Variants in FBXO25 observed in about 807,000 individuals in gnomAD.
FBXO25 encodes the protein F-box only protein 25.
A neutral mutation model predicts 51.9 loss-of-function variants in FBXO25; 45 were observed. That is an observed-to-expected ratio of 0.87 (90% confidence interval 0.68 to 1.11). The LOEUF (loss-of-function observed/expected upper bound fraction) is 1.11. FBXO25 is among the 50% of genes most tolerant of loss of function. The pLI is 0.00. For missense variants in FBXO25, 507 were observed against 428.5 expected (o/e 1.18, Z -1.62); for synonymous variants, 199 against 151.0 (o/e 1.32, Z -2.33).
At chr8:416,157 A>T (rs1267841721) in intron 2 of FBXO25, among the ~76,000 whole-genome samples, 13 of 152,146 alleles carry the variant, frequency 8.5e-5, no homozygotes, top group Admixed American at 8.5e-4. Flanking sequence ...GTCATCTGCT[A>T]TGTGCCGGTA....
rs1563107094 is a variant in FBXO25 at position 474,706 on chromosome 8, T to C, written c.*5902T>C. On this transcript the variant is annotated 3_prime_UTR_variant, in exon 10 of 10. Transcript: ENST00000350302. Reference sequence around the variant, plus strand: ...GTCTATTTGGGCTCTTTGTCCATTTTTCAATCAGGTGTGTGTTTTTATATG... The same window carrying C: ...GTCTATTTGGGCTCTTTGTCCATTTCTCAATCAGGTGTGTGTTTTTATATG... 6.6e-6 allele frequency: 3 copies of C among 454,400 alleles called. No homozygotes were observed. The highest frequency in any genetic ancestry group is 1.3e-5 in the Non-Finnish European group (3 of 226,478). The allele number at this position is 454,400 out of a possible 1,614,324, so 28.1% of individuals were successfully genotyped here. A position where few individuals can be genotyped will look rare whatever the true frequency, so the allele number is the denominator to read the frequency against.
At chr8:428,319 A>T (rs892947015) in intron 2 of FBXO25, among the ~76,000 whole-genome samples, 2 of 152,130 alleles carry the variant, frequency 1.3e-5, no homozygotes, top group African/African-American at 4.8e-5. Flanking sequence ...TAGCTCCATC[A>T]TTCAGACATG....
chr8:428,445 C>A (rs990037828), intron 2 of FBXO25, among the ~76,000 whole-genome samples: 4 of 151,486 alleles, frequency 2.6e-5, no homozygotes, highest in African/African-American at 9.7e-5. Flanking sequence ...CCCACCCCAT[C>A]CCTCGGACAT....
At position 475,614 on chromosome 8, in the gene FBXO25, C is replaced by G. The variant is rs974622580; in HGVS notation, c.*6810C>G. ...TCTTTAAGCAGTGTTTTATGGTTTT[C>G]AAGTACAAGTCTTTTGCTTCCTTAA... On this transcript the variant is annotated 3_prime_UTR_variant, in exon 10 of 10. Transcript: ENST00000350302. 6.6e-6 allele frequency: 1 copy of G among 152,146 alleles called. No homozygotes were observed. Among genetic ancestry groups the G allele is most frequent in the Admixed American group, 6.5e-5 (1 of 15,276 alleles). 9.4% of individuals were successfully genotyped at this position (152,146 alleles called of 1,614,324 possible).
chr8:428,009 A>C (rs1301505580), intron 2 of FBXO25, among the ~76,000 whole-genome samples: 1 of 152,172 alleles, frequency 6.6e-6, no homozygotes, highest in African/African-American at 2.4e-5. Context: ...TCAGAGGAAA[A>C]TGCAAATCTT....
chr8:442,394 C>G (rs1798480886), intron 5 of FBXO25, among the ~76,000 whole-genome samples: 1 of 151,904 alleles, frequency 6.6e-6, no homozygotes, highest in Non-Finnish European at 1.5e-5. Flanking sequence ...TGTACTGCAC[C>G]TACAGGTTAC....
chr8:414,045 T>C (rs142548766), intron 2 of FBXO25, among the ~76,000 whole-genome samples: 2,338 of 152,342 alleles, frequency 0.015, 25 homozygotes, highest in South Asian at 0.042. Flanking sequence ...ATTTGTGTAA[T>C]TATCAACTGT....
In FBXO25 at chr8:467,835, C is replaced by T. The variant is rs116561723; in HGVS notation, c.988-880C>T. On this transcript the variant is annotated intron_variant, in intron 9 of 9. Transcript: ENST00000350302. ...CATGCACGTCATCTTGGCCACTGCCCGGCTCGATTCCAGCTCTCGCTGACT... is the reference window on the plus strand; with the variant it reads ...CATGCACGTCATCTTGGCCACTGCCTGGCTCGATTCCAGCTCTCGCTGACT... 1.3e-3 allele frequency: 2,086 copies of T among 1,599,594 alleles called. 21 individuals carry two copies. In the African/African-American group the frequency reaches 0.022, roughly 17 times the overall value.
chr8:467,875 A>T, intron 9 of FBXO25: 1 of 1,570,408 alleles, frequency 6.4e-7, no homozygotes, highest in Non-Finnish European at 8.7e-7. Flanking sequence ...CTTTCTCAGG[A>T]CCCTGAGCAG....
intron 9 of FBXO25, among the ~76,000 whole-genome samples, chr8:467,173 C>T (rs188351837): frequency 6.2e-4 from 94 of 152,244 alleles, no homozygotes; most frequent in Non-Finnish European, 1.2e-3. Context: ...CACAGGAGGG[C>T]AGCTGCTGAG....
rs1800688668 is a variant in FBXO25 at position 477,872 on chromosome 8, G to C, written c.*9068G>C. Reference sequence around the variant, plus strand: ...TTAACATTTGGGCTGTGCAAAAACAGCTGGTGGGCCCAATTTTGGCCTGTA... The same window carrying C: ...TTAACATTTGGGCTGTGCAAAAACACCTGGTGGGCCCAATTTTGGCCTGTA... On this transcript the variant is annotated 3_prime_UTR_variant, in exon 10 of 10. Coordinates refer to ENST00000350302, the MANE Select transcript of FBXO25 (RefSeq NM_183420.2). 1 of 152,152 alleles carries C rather than the reference G, an allele frequency of 6.6e-6. No individual in the cohort carries two copies. Among genetic ancestry groups the C allele is most frequent in the African/African-American group, 2.4e-5 (1 of 41,446 alleles). The allele number at this position is 152,152 out of a possible 1,614,324, so 9.4% of individuals were successfully genotyped here.
intron 7 of FBXO25, among the ~76,000 whole-genome samples, chr8:452,583 G>A (rs530198435): frequency 6.6e-6 from 1 of 152,342 alleles, no homozygotes; most frequent in East Asian, 1.9e-4. Flanking sequence ...GTGACCTTCT[G>A]GGGAGAGAAT....
Position 469,563 on chromosome 8 carries a change from T to C in FBXO25, c.*759T>C, listed in dbSNP as rs751211706. On this transcript the variant is annotated 3_prime_UTR_variant, in exon 10 of 10. Transcript: ENST00000350302. ...AATAGACAAAGTAATAAATCATGTT[T>C]ATCTATTGATTTAAACTTCATCAGT... 8.5e-5 allele frequency: 13 copies of C among 152,250 alleles called. No homozygotes were observed. Among genetic ancestry groups the C allele is most frequent in the Non-Finnish European group, 1.9e-4 (13 of 68,050 alleles). 9.4% of individuals were successfully genotyped at this position (152,250 alleles called of 1,614,324 possible). A position where few individuals can be genotyped will look rare whatever the true frequency, so the allele number is the denominator to read the frequency against.
At chr8:437,739 ATT>A (rs34339077) in intron 5 of FBXO25, among the ~76,000 whole-genome samples, 28,324 of 137,786 alleles carry the variant, frequency 0.21, 2,710 homozygotes, top group African/African-American at 0.26. Flanking sequence ...AGTGTGTGCT[ATT>A]TTTTTTTTTT....
At chr8:468,668 T>A (rs1329918575) in intron 9 of FBXO25, 47 bp from the exon 10 acceptor site, 1 of 1,447,232 alleles carries the variant, frequency 6.9e-7, no homozygotes, top group Admixed American at 1.7e-5. Context: ...CACTAGAGTG[T>A]GGCTGGTGGT....
chr8:437,993 C>CT (rs1269479744), intron 5 of FBXO25, among the ~76,000 whole-genome samples: 2 of 149,998 alleles, frequency 1.3e-5, no homozygotes, highest in East Asian at 3.9e-4. Context: ...AAAAGGTTTC[C>CT]TTTTTTTCTA....
intron 2 of FBXO25, among the ~76,000 whole-genome samples, chr8:422,932 C>A (rs908297616): frequency 9.2e-5 from 14 of 152,092 alleles, no homozygotes; most frequent in African/African-American, 2.9e-4. Context: ...ACTTAAAAGT[C>A]TATTCTGCTG....
intron 1 of FBXO25, among the ~76,000 whole-genome samples, chr8:410,515 C>A (rs1394942692): frequency 6.6e-6 from 1 of 152,066 alleles, no homozygotes; most frequent in Admixed American, 6.6e-5. Flanking sequence ...ATGTTCCTAG[C>A]AGCCATTTTC....
chr8:408,325 T>TAAA (rs199946939), intron 1 of FBXO25, among the ~76,000 whole-genome samples: 8 of 146,630 alleles, frequency 5.5e-5, no homozygotes, highest in African/African-American at 1.3e-4. Flanking sequence ...TAATAGACGG[T>TAAA]AAAAAAAAAA....
Sources: allele counts gnomAD v4.1 joint callset (sites outside exome capture counted in the v4.1 genomes callset), GRCh38; gene constraint gnomAD v4.1.1; transcripts MANE v1.5; gene names NCBI Gene and HGNC (gene_info 2026-07-23, HGNC 2026-07-21).